Variants in CDH8 observed in about 807,000 individuals in gnomAD.
The protein encoded by CDH8 is cadherin 8, also known as cadherin-8.
CDH8 carries 17 observed loss-of-function variants against 68.1 expected under a neutral mutation model. That is an observed-to-expected ratio of 0.25 (90% CI 0.17 to 0.37). CDH8 has a LOEUF of 0.37. Among genes scored for constraint, CDH8 ranks in the 10% least tolerant of loss-of-function variants. The pLI is 1.00. For missense variants in CDH8, 763 were observed against 999.3 expected, an observed-to-expected ratio of 0.76 and a Z score of 3.19; for synonymous variants, 372 against 365.1, an observed-to-expected ratio of 1.02 and a Z score of -0.21.
At chr16:61,828,086 C>T (rs1457546370) in intron 4 of CDH8, among the ~76,000 whole-genome samples, 1 of 151,792 alleles carries the variant, frequency 6.6e-6, no homozygotes, top group African/African-American at 2.4e-5. Context: ...ATCATAAAGA[C>T]CTTGCTGATA....
chr16:61,799,462 T>C (rs1326885875), intron 7 of CDH8, among the ~76,000 whole-genome samples: 2 of 152,202 alleles, frequency 1.3e-5, no homozygotes, highest in East Asian at 3.9e-4. Flanking sequence ...TAATCTTTCC[T>C]ATAATCTAGT....
chr16:61,912,486 T>C (rs1427375414), intron 2 of CDH8, among the ~76,000 whole-genome samples: 1 of 152,092 alleles, frequency 6.6e-6, no homozygotes, highest in Non-Finnish European at 1.5e-5. Flanking sequence ...ATGAATGGGT[T>C]GATGGATGGC....
At chr16:61,707,125 A>G (rs1402352705) in intron 10 of CDH8, among the ~76,000 whole-genome samples, 3 of 152,124 alleles carry the variant, frequency 2.0e-5, no homozygotes, top group Non-Finnish European at 4.4e-5. Flanking sequence ...AAAGCATATT[A>G]TTAATCATCT....
At chr16:61,678,580 A>G (rs2142794727) in intron 10 of CDH8, among the ~76,000 whole-genome samples, 1 of 152,084 alleles carries the variant, frequency 6.6e-6, no homozygotes, top group South Asian at 2.1e-4. Flanking sequence ...CAGAACATGC[A>G]GGTTTGTTAC....
chr16:61,946,678 A>T (rs1964806593), intron 2 of CDH8, among the ~76,000 whole-genome samples: 1 of 152,146 alleles, frequency 6.6e-6, no homozygotes, highest in South Asian at 2.1e-4. Flanking sequence ...GTTTTCTTCC[A>T]TCTTTTCCCC....
At chr16:61,748,671 C>T (rs916592153) in intron 8 of CDH8, among the ~76,000 whole-genome samples, 1 of 151,964 alleles carries the variant, frequency 6.6e-6, no homozygotes, top group African/African-American at 2.4e-5. Context: ...ACAAACAATA[C>T]ATACAGAGAT....
chr16:61,944,773 C>T (rs1453367597), intron 2 of CDH8, among the ~76,000 whole-genome samples: 1 of 152,098 alleles, frequency 6.6e-6, no homozygotes, highest in Non-Finnish European at 1.5e-5. Flanking sequence ...TAGACCCTAT[C>T]TCCAAAATAA....
intron 2 of CDH8, among the ~76,000 whole-genome samples, chr16:61,932,711 C>T (rs1344141783): frequency 6.6e-6 from 1 of 152,154 alleles, no homozygotes; most frequent in Admixed American, 6.5e-5. Context: ...CTTCTATCAG[C>T]TCCTAGAACT....
chr16:61,960,803 T>A (rs1322701614), intron 2 of CDH8, among the ~76,000 whole-genome samples: 1 of 152,112 alleles, frequency 6.6e-6, no homozygotes, highest in Admixed American at 6.5e-5. Context: ...TTCATCCTTT[T>A]AAAAAAATAT....
chr16:61,678,426 C>T (rs962390863), intron 10 of CDH8, among the ~76,000 whole-genome samples: 1 of 152,098 alleles, frequency 6.6e-6, no homozygotes, highest in Non-Finnish European at 1.5e-5. Flanking sequence ...TAACTGTTTG[C>T]TCTACCACAG....
intron 10 of CDH8, chr16:61,711,478 T>C (rs576654333): frequency 2.0e-5 from 3 of 151,952 alleles, no homozygotes; most frequent in African/African-American, 7.2e-5. Flanking sequence ...ATACTGACCA[T>C]TTTAAAATTC....
At chr16:61,685,264 T>A (rs8055591) in intron 10 of CDH8, among the ~76,000 whole-genome samples, 29,584 of 151,350 alleles carry the variant, frequency 0.2, 3,351 homozygotes, top group African/African-American at 0.32. Flanking sequence ...TTGTCCAGTG[T>A]GATATCATTG....
chr16:61,822,205 C>CTTTTTTTTTTTTTTTTTTTT lies in CDH8; in HGVS notation c.836-1112_836-1093dup, dbSNP rs71707137. ...TGTAGTAACTGGCTCAAAAACGCAC[C>CTTTTTTTTTTTTTTTTTTTT]TTTTTTTTTTTTTTTTTTTTTTTTT... On this transcript the variant is annotated intron_variant, in intron 5 of 11. Coordinates refer to ENST00000577390, the MANE Select transcript of CDH8 (RefSeq NM_001796.5). 1.1e-4 allele frequency among the ~76,000 whole-genome samples: 5 copies of CTTTTTTTTTTTTTTTTTTTT among 45,648 alleles called. 2 individuals carry two copies. Among genetic ancestry groups the CTTTTTTTTTTTTTTTTTTTT allele is most frequent in the East Asian group, 8.1e-4 (1 of 1,236 alleles). 29.9% of individuals were successfully genotyped at this position (45,648 alleles called of 152,430 possible). A position where few individuals can be genotyped will look rare whatever the true frequency, so the allele number is the denominator to read the frequency against.
intron 8 of CDH8, among the ~76,000 whole-genome samples, chr16:61,752,866 ACAATAACTATAAAT>A (rs1481436948): frequency 6.6e-6 from 1 of 152,224 alleles, no homozygotes; most frequent in African/African-American, 2.4e-5. Flanking sequence ...TACACAAATA[ACAATAACTATAAAT>A]TAGATCAAAC....
At chr16:61,664,572 T>C (rs1216814551) in intron 10 of CDH8, among the ~76,000 whole-genome samples, 5 of 151,972 alleles carry the variant, frequency 3.3e-5, no homozygotes, top group Non-Finnish European at 7.4e-5. Context: ...GGAAAGCATA[T>C]ATATCCTGGG....
At chr16:61,765,546 T>C (rs998410959) in intron 8 of CDH8, among the ~76,000 whole-genome samples, 1 of 152,038 alleles carries the variant, frequency 6.6e-6, no homozygotes, top group Admixed American at 6.6e-5. Flanking sequence ...TGGCATCACA[T>C]AGTTATAGAT....
chr16:61,988,952 T>A (rs528627616), intron 2 of CDH8, among the ~76,000 whole-genome samples: 9 of 152,112 alleles, frequency 5.9e-5, no homozygotes, highest in Non-Finnish European at 8.8e-5. Context: ...AGGAACTGGC[T>A]TTTTTGGCAA....
intron 7 of CDH8, among the ~76,000 whole-genome samples, chr16:61,796,315 G>A (rs1217367288): frequency 6.6e-6 from 1 of 151,960 alleles, no homozygotes; most frequent in Non-Finnish European, 1.5e-5. Context: ...AATTTCTTGA[G>A]AATTGTGCAT....
chr16:61,948,102 G>A (rs982169244), intron 2 of CDH8, among the ~76,000 whole-genome samples: 4 of 152,114 alleles, frequency 2.6e-5, no homozygotes, highest in Non-Finnish European at 5.9e-5. Context: ...TCATACAAAC[G>A]TATGACCCTA....
Sources: allele counts gnomAD v4.1 joint callset (sites outside exome capture counted in the v4.1 genomes callset), GRCh38; gene constraint gnomAD v4.1.1; transcripts MANE v1.5; gene names NCBI Gene and HGNC (gene_info 2026-07-23, HGNC 2026-07-21).